Variants in AKAP19 observed in about 807,000 individuals in gnomAD.
AKAP19 encodes the protein A-kinase anchoring protein 19, also known as small A-kinase anchoring protein.
At chr2:190,055,028 C>T in the AKAP19 span, among the ~76,000 whole-genome samples, 1 of 152,144 alleles carries the variant, frequency 6.6e-6, no homozygotes, top group African/African-American at 2.4e-5. Flanking sequence ...CACATGCACA[C>T]ATATGTTTAT....
the AKAP19 span, among the ~76,000 whole-genome samples, chr2:189,956,620 C>A: frequency 6.6e-6 from 1 of 152,036 alleles, no homozygotes; most frequent in African/African-American, 2.4e-5. Context: ...ACTCTGTTGC[C>A]CAGGCTGGAG....
chr2:189,950,423 A>C, the AKAP19 span, among the ~76,000 whole-genome samples: 1 of 150,250 alleles, frequency 6.7e-6, no homozygotes, highest in African/African-American at 2.5e-5. Context: ...TAAGGAGTTC[A>C]ATCTGTTAAC....
chr2:189,973,842 T>C, the AKAP19 span, among the ~76,000 whole-genome samples: 2 of 152,182 alleles, frequency 1.3e-5, no homozygotes, highest in Non-Finnish European at 2.9e-5. Context: ...CCCTTTATCA[T>C]TTTTTATTGC....
the AKAP19 span, among the ~76,000 whole-genome samples, chr2:190,003,112 G>A: frequency 1.3e-5 from 2 of 151,784 alleles, no homozygotes; most frequent in African/African-American, 2.4e-5. Flanking sequence ...TTCTCATTAC[G>A]TTTTCTGATA....
At chr2:189,894,098 A>G in the AKAP19 span, among the ~76,000 whole-genome samples, 2 of 152,188 alleles carry the variant, frequency 1.3e-5, no homozygotes, top group Non-Finnish European at 2.9e-5. Context: ...GTGTTTACCA[A>G]ATATATATCC....
chr2:189,992,750 A>G, the AKAP19 span, among the ~76,000 whole-genome samples: 1 of 152,020 alleles, frequency 6.6e-6, no homozygotes, highest in Non-Finnish European at 1.5e-5. Flanking sequence ...TTGGTCAGGT[A>G]TATTCCTAAG....
chr2:189,980,685 G>A, the AKAP19 span, among the ~76,000 whole-genome samples: 6 of 151,982 alleles, frequency 3.9e-5, no homozygotes, highest in East Asian at 9.7e-4. Context: ...CATTTTGTAC[G>A]TTGATTTTGT....
chr2:189,967,894 T>C, the AKAP19 span, among the ~76,000 whole-genome samples: 1 of 148,186 alleles, frequency 6.7e-6, no homozygotes, highest in Non-Finnish European at 1.5e-5. Context: ...CATAATAAAG[T>C]TAAATGGTGA....
At chr2:190,147,986 G>A in the AKAP19 span, among the ~76,000 whole-genome samples, 102 of 152,204 alleles carry the variant, frequency 6.7e-4, no homozygotes, top group Admixed American at 1.4e-3. Context: ...TACCAACGTG[G>A]ATGCCCTTTA....
the AKAP19 span, among the ~76,000 whole-genome samples, chr2:189,937,214 A>T: frequency 6.6e-6 from 1 of 152,176 alleles, no homozygotes; most frequent in Non-Finnish European, 1.5e-5. Flanking sequence ...TGGAGACAGG[A>T]GTGAAGGGAT....
the AKAP19 span, among the ~76,000 whole-genome samples, chr2:190,025,013 T>C: frequency 1.3e-5 from 2 of 152,200 alleles, no homozygotes; most frequent in Non-Finnish European, 2.9e-5. Context: ...TCTATCTAGC[T>C]GTTCAAGGAG....
the AKAP19 span, among the ~76,000 whole-genome samples, chr2:190,098,211 A>T: frequency 0.83 from 126,372 of 152,186 alleles, 52,561 homozygotes; most frequent in East Asian, 0.86. Context: ...GTCTATGGCA[A>T]CTATAGCCTT....
the AKAP19 span, among the ~76,000 whole-genome samples, chr2:189,918,736 C>T: frequency 6.6e-6 from 1 of 151,984 alleles, no homozygotes; most frequent in African/African-American, 2.4e-5. Context: ...TTCACAATGG[C>T]CAAAAAGTGA....
chr2:190,088,121 G>A, the AKAP19 span, among the ~76,000 whole-genome samples: 1 of 152,298 alleles, frequency 6.6e-6, no homozygotes, highest in South Asian at 2.1e-4. Context: ...AAATGTGGAA[G>A]GAGTAAAGTG....
chr2:189,950,899 C>T, the AKAP19 span, among the ~76,000 whole-genome samples: 1 of 152,192 alleles, frequency 6.6e-6, no homozygotes, highest in African/African-American at 2.4e-5. Flanking sequence ...TGCCATTTGG[C>T]TCTCTATCCC....
chr2:190,139,312 C>G, the AKAP19 span, among the ~76,000 whole-genome samples: 1 of 152,076 alleles, frequency 6.6e-6, no homozygotes, highest in African/African-American at 2.4e-5. Context: ...AGAAATAAGG[C>G]AGCTTGGCAC....
chr2:189,998,691 A>AT, the AKAP19 span, among the ~76,000 whole-genome samples: 1 of 149,888 alleles, frequency 6.7e-6, no homozygotes, highest in East Asian at 1.9e-4. Context: ...CCAAAAACCA[A>AT]TTTTTTACTT....
the AKAP19 span, among the ~76,000 whole-genome samples, chr2:190,035,574 C>A: frequency 6.6e-6 from 1 of 152,184 alleles, no homozygotes; most frequent in African/African-American, 2.4e-5. Flanking sequence ...CCCCCTCATG[C>A]CACTTTGTAG....
At chr2:190,070,000 C>G in the AKAP19 span, among the ~76,000 whole-genome samples, 2 of 152,182 alleles carry the variant, frequency 1.3e-5, no homozygotes, top group South Asian at 4.1e-4. Flanking sequence ...CAGTGAAATA[C>G]TTTTGAAGCA....
Sources: gnomAD v4.1 joint callset for allele counts (sites outside exome capture counted in the v4.1 genomes callset) on GRCh38, gnomAD v4.1.1 for gene constraint, MANE v1.5 for transcripts, NCBI Gene and HGNC (gene_info 2026-07-23, HGNC 2026-07-21) for gene names.